ZCCHC14: variants seen among roughly 807,000 people sequenced by gnomAD.
The protein encoded by ZCCHC14 is zinc finger CCHC-type containing 14.
A neutral mutation model predicts 85.0 loss-of-function variants in ZCCHC14; 16 were observed. That is an observed-to-expected ratio of 0.19 (90% CI 0.13 to 0.29). ZCCHC14 has a LOEUF of 0.29. Ranked by LOEUF, ZCCHC14 falls within the 10% of genes least tolerant of loss-of-function variation. ZCCHC14 has a pLI of 1.00. For synonymous variants in ZCCHC14, 775 were observed against 630.7 expected (o/e 1.23, Z -3.43); for missense variants, 1,303 against 1,443.5 (o/e 0.90, Z 1.58).
chr16:87,449,674 C>A (rs923947261), intron 2 of ZCCHC14, among the ~76,000 whole-genome samples: 1 of 152,144 alleles, frequency 6.6e-6, no homozygotes, highest in Non-Finnish European at 1.5e-5. Flanking sequence ...GAAACCACTT[C>A]AACAATTTAC....
chr16:87,489,027 T>G (rs1460396899), intron 1 of ZCCHC14, among the ~76,000 whole-genome samples: 1 of 152,234 alleles, frequency 6.6e-6, no homozygotes, highest in African/African-American at 2.4e-5. Context: ...ACGGGGCTGC[T>G]TTTTCAGGAA....
chr16:87,448,015 CCTTT>C (rs149262476), intron 2 of ZCCHC14, among the ~76,000 whole-genome samples: 3,413 of 152,224 alleles, frequency 0.022, 53 homozygotes, highest in Non-Finnish European at 0.038. Flanking sequence ...GAGTTAACTG[CCTTT>C]CTTTTTTCTG....
At chr16:87,410,999 T>C (rs1047238301) in intron 12 of ZCCHC14, among the ~76,000 whole-genome samples, 2 of 152,056 alleles carry the variant, frequency 1.3e-5, no homozygotes, top group African/African-American at 2.4e-5. Flanking sequence ...ACATCAGACA[T>C]CCACTGGGAT....
At chr16:87,457,182 T>C (rs547279348) in intron 2 of ZCCHC14, among the ~76,000 whole-genome samples, 1 of 152,342 alleles carries the variant, frequency 6.6e-6, no homozygotes, top group South Asian at 2.1e-4. Flanking sequence ...CTACAATCTC[T>C]ACTCCTGAAC....
rs1369145628 is a variant in ZCCHC14 at position 87,407,131 on chromosome 16, A to T, written c.*3149T>A. On this transcript the variant is annotated 3_prime_UTR_variant, in exon 13 of 13. Coordinates refer to ENST00000671377, the MANE Select transcript of ZCCHC14 (RefSeq NM_015144.3). ...CCTCTGTTCCAGCTGGGTGATGTTT[A>T]GGCAAAGTCACTACCCCGCCCCACT... 1 of 152,298 alleles carries T rather than the reference A, an allele frequency of 6.6e-6. No homozygotes were observed. Among genetic ancestry groups the T allele is most frequent in the African/African-American group, 2.4e-5 (1 of 41,460 alleles). The allele number at this position is 152,298 out of a possible 1,614,324, so 9.4% of individuals were successfully genotyped here.
At chr16:87,486,739 A>G (rs1226865161) in intron 1 of ZCCHC14, among the ~76,000 whole-genome samples, 24 of 152,264 alleles carry the variant, frequency 1.6e-4, no homozygotes, top group Admixed American at 1.6e-3. Flanking sequence ...TAACAACAAC[A>G]ACAAAAAAAG....
chr16:87,412,389 G>A lies in ZCCHC14; in HGVS notation c.2332C>T (p.Leu778=). 2 of 1,614,218 alleles carry A rather than the reference G, an allele frequency of 1.2e-6. No individual in the cohort carries two copies. The highest frequency in any genetic ancestry group is 1.7e-6 in the Non-Finnish European group (2 of 1,180,046). Residue 778 remains leucine (L), a synonymous_variant, in exon 12 of 13, where the codon CTG becomes TTG. Coordinates refer to ENST00000671377, the MANE Select transcript of ZCCHC14 (RefSeq NM_015144.3). ...HAARPPIKLL[L]SSSVPADSAI... ...GAATCAGCAGGAACAGATGACGACA[G>A]CAGCAGTTTGATGGGCGGACGGGCG... is the stretch of plus-strand genomic sequence containing the variant.
rs974921222 is a variant in ZCCHC14 at position 87,420,505 on chromosome 16, C to T, written c.950+102G>A. On this transcript the variant is annotated intron_variant, in intron 5 of 12. Transcript: ENST00000671377. This position sits in a 1 kb window ranked among gnomAD's most constrained non-coding sequence, Gnocchi z 5.0. ...AAGTAGAGACCCAGGTCCAGGTGAC[C>T]GCGCATCCTCCCAGAGCTCCTTGGA... 7 of 892,318 alleles carry T rather than the reference C, an allele frequency of 7.8e-6. No homozygotes were observed. The highest frequency in any genetic ancestry group is 3.4e-5 in the African/African-American group (2 of 58,520). 55.3% of individuals were successfully genotyped at this position (892,318 alleles called of 1,614,324 possible). A position where few individuals can be genotyped will look rare whatever the true frequency, so the allele number is the denominator to read the frequency against.
intron 1 of ZCCHC14, among the ~76,000 whole-genome samples, chr16:87,474,945 A>G (rs1248164875): frequency 6.6e-6 from 1 of 152,234 alleles, no homozygotes; most frequent in Non-Finnish European, 1.5e-5. Context: ...AGTCCAGCCA[A>G]ACTGACTGCC....
At chr16:87,470,471 G>A (rs1259080659) in intron 1 of ZCCHC14, 4 of 152,150 alleles carry the variant, frequency 2.6e-5, no homozygotes, top group Non-Finnish European at 5.9e-5. Flanking sequence ...CCTCAGCTGA[G>A]TGTAACCTGG....
intron 2 of ZCCHC14, among the ~76,000 whole-genome samples, chr16:87,434,297 A>G (rs1909805908): frequency 6.6e-6 from 1 of 152,238 alleles, no homozygotes; most frequent in African/African-American, 2.4e-5. Flanking sequence ...AGCCTCATCA[A>G]GGCAGGCCTG....
At chr16:87,437,297 A>T (rs897882090) in intron 2 of ZCCHC14, among the ~76,000 whole-genome samples, 3 of 134,520 alleles carry the variant, frequency 2.2e-5, no homozygotes, top group Non-Finnish European at 4.6e-5. Flanking sequence ...GATTTGCGCC[A>T]TTGCACTCCA....
intron 7 of ZCCHC14, 146 bp downstream of exon 7, chr16:87,418,701 C>T (rs1389599417): frequency 1.8e-5 from 16 of 865,464 alleles, no homozygotes. Context: ...ATCGTAAATT[C>T]AATCATCTCT....
intron 7 of ZCCHC14, among the ~76,000 whole-genome samples, chr16:87,418,142 G>T (rs563699186): frequency 6.6e-6 from 1 of 151,906 alleles, no homozygotes; most frequent in African/African-American, 2.4e-5. Context: ...ATGCTACTCC[G>T]ATAGGTATTT....
At chr16:87,445,302 T>C (rs1910383232) in intron 2 of ZCCHC14, among the ~76,000 whole-genome samples, 1 of 152,080 alleles carries the variant, frequency 6.6e-6, no homozygotes, top group Admixed American at 6.6e-5. Flanking sequence ...CTTGACCTCA[T>C]GATCCACCCA....
chr16:87,467,078 T>A, intron 1 of ZCCHC14: 1 of 497,294 alleles, frequency 2.0e-6, no homozygotes, highest in Non-Finnish European at 3.6e-6. Context: ...AGAGACAGGG[T>A]CCCGCTATGT....
At chr16:87,419,981 G>A in intron 5 of ZCCHC14, 104 bp from the exon 6 acceptor site, 1 of 932,222 alleles carries the variant, frequency 1.1e-6, no homozygotes, top group Middle Eastern at 3.0e-4. Flanking sequence ...TGTATTAGAG[G>A]AAAAAAGCCA....
chr16:87,489,566 G>A (rs1286661828), intron 1 of ZCCHC14, among the ~76,000 whole-genome samples: 1 of 152,326 alleles, frequency 6.6e-6, no homozygotes, highest in South Asian at 2.1e-4. Flanking sequence ...ACACAAGCCT[G>A]TGAGGTAGGT....
At chr16:87,437,451 C>G (rs1304631996) in intron 2 of ZCCHC14, among the ~76,000 whole-genome samples, 2 of 152,050 alleles carry the variant, frequency 1.3e-5, no homozygotes, top group Non-Finnish European at 2.9e-5. Flanking sequence ...AGAAAGCCTC[C>G]GTGAGGAAAG....
Sources: allele counts gnomAD v4.1 joint callset (sites outside exome capture counted in the v4.1 genomes callset), GRCh38; gene constraint gnomAD v4.1.1; non-coding constraint Gnocchi (gnomAD v3.1); transcripts MANE v1.5; gene names NCBI Gene and HGNC (gene_info 2026-07-23, HGNC 2026-07-21).